Variants in CTNNA1 observed in about 807,000 individuals in gnomAD.
CTNNA1 encodes catenin alpha-1.
A neutral mutation model predicts 98.4 loss-of-function variants in CTNNA1; 37 were observed. The observed-to-expected ratio is 0.38, with a 90% CI of 0.29 to 0.49. The LOEUF (loss-of-function observed/expected upper bound fraction) is 0.49, where lower values mean the gene tolerates loss of function less well. Among genes scored for constraint, CTNNA1 ranks in the 20% least tolerant of loss-of-function variants. The pLI, the probability that CTNNA1 is intolerant of heterozygous loss-of-function variation, is 0.95. For synonymous variants in CTNNA1, 404 were observed against 413.2 expected, an observed-to-expected ratio of 0.98 and a Z score of 0.27; for missense variants, 761 against 1,147.2, an observed-to-expected ratio of 0.66 and a Z score of 4.86.
Position 138,916,177 on chromosome 5 carries a change from C to CAAAAAAAAAAAAAAA in CTNNA1, c.1390-1551_1390-1550insAAAAAAAAAAAAAAA, listed in dbSNP as rs56935188. On this transcript the variant is annotated intron_variant, in intron 10 of 17. Coordinates refer to ENST00000302763, the MANE Select transcript of CTNNA1 (RefSeq NM_001903.5). ...GAGATAGAAAGCAAATTAGTGGTTG[C>CAAAAAAAAAAAAAAA]AAAAAAAAAAAAAAGAAGGGGCTAA... 1.1e-3 allele frequency among the ~76,000 whole-genome samples: 123 copies of CAAAAAAAAAAAAAAA among 115,054 alleles called. 5 individuals carry two copies. The highest frequency in any genetic ancestry group is 4.2e-3 in the African/African-American group (117 of 27,972). 75.5% of individuals were successfully genotyped at this position (115,054 alleles called of 152,430 possible).
At chr5:138,759,422 A>G (rs1254466543) in intron 1 of CTNNA1, among the ~76,000 whole-genome samples, 2 of 152,128 alleles carry the variant, frequency 1.3e-5, no homozygotes, top group African/African-American at 2.4e-5. Flanking sequence ...CCGCACCCTC[A>G]TGATTGCTTT....
At chr5:138,928,165 C>A (rs1239382068) in intron 13 of CTNNA1, among the ~76,000 whole-genome samples, 6 of 152,240 alleles carry the variant, frequency 3.9e-5, no homozygotes. Flanking sequence ...CCTCCTGTCA[C>A]AGGCCAGCCG....
intron 9 of CTNNA1, among the ~76,000 whole-genome samples, chr5:138,887,995 C>A (rs910341385): frequency 6.6e-6 from 1 of 152,232 alleles, no homozygotes; most frequent in African/African-American, 2.4e-5. Flanking sequence ...TGCATCCTGA[C>A]AAGCTAACCT....
At chr5:138,886,179 A>G in intron 7 of CTNNA1, 33 bp from the exon 8 acceptor site, 1 of 1,601,614 alleles carries the variant, frequency 6.2e-7, no homozygotes, top group East Asian at 2.2e-5. Flanking sequence ...TTTGTAAATG[A>G]ATAAAATGCT....
intron 3 of CTNNA1, among the ~76,000 whole-genome samples, chr5:138,801,004 T>C (rs760409649): frequency 2.6e-5 from 4 of 152,210 alleles, no homozygotes; most frequent in Non-Finnish European, 5.9e-5. Context: ...TTTTGAGTGT[T>C]GTACTAAACA....
chr5:138,929,396 C>T (rs748218882), intron 14 of CTNNA1, 40 bp downstream of exon 14: 10 of 987,600 alleles, frequency 1.0e-5, no homozygotes, highest in Non-Finnish European at 1.5e-5. Flanking sequence ...CTTGTGCTGC[C>T]GACTTTCCCT....
chr5:138,927,378 G>A (rs1764301966), intron 13 of CTNNA1, among the ~76,000 whole-genome samples: 2 of 152,166 alleles, frequency 1.3e-5, no homozygotes, highest in South Asian at 4.1e-4. Flanking sequence ...GTGACATGGG[G>A]GCAGTGAGCT....
rs148992853 is a variant in CTNNA1 at position 138,896,389 on chromosome 5, T to C, written c.1297-7960T>C. Among the ~76,000 whole-genome samples the C allele has an allele frequency of 4.0e-3, 613 of 152,300 alleles. 8 individuals are homozygous for C. Among genetic ancestry groups the C allele is most frequent in the African/African-American group, 0.013 (532 of 41,560 alleles). On this transcript the variant is annotated intron_variant, in intron 9 of 17. Transcript: ENST00000302763. The stretch of plus-strand genomic sequence containing the variant: ...GGGTCCTTATTTTAATAAGAATCTT[T>C]TGTGATTTTACTTAAAAGCAAATAG...
At chr5:138,794,562 G>A (rs1410650015) in intron 3 of CTNNA1, among the ~76,000 whole-genome samples, 3 of 152,180 alleles carry the variant, frequency 2.0e-5, no homozygotes, top group African/African-American at 7.2e-5. Flanking sequence ...TAGGGCACGT[G>A]GGTTATGCCA....
rs1750884878 is a variant in CTNNA1 at position 138,873,389 on chromosome 5, T to C, written c.1063-12823T>C. The C allele has an allele frequency of 6.2e-7, 1 of 1,613,954 alleles. No individual in the cohort carries two copies. Among genetic ancestry groups the C allele is most frequent in the Non-Finnish European group, 8.5e-7 (1 of 1,179,904 alleles). ...AGTTGGGATTTCTTTGTCTCCCACA[T>C]GGTAACTTGATGAGCTTATTCTTTT... is the stretch of plus-strand genomic sequence containing the variant. On this transcript the variant is annotated intron_variant, in intron 7 of 17. Coordinates refer to ENST00000302763, the MANE Select transcript of CTNNA1 (RefSeq NM_001903.5). This position sits in a 1 kb window ranked among gnomAD's most constrained non-coding sequence, Gnocchi z 6.1.
intron 16 of CTNNA1, chr5:138,931,726 C>T: frequency 1.0e-6 from 1 of 985,472 alleles, no homozygotes; most frequent in Non-Finnish European, 1.2e-6. Context: ...ATCCAGCTGT[C>T]AATACTGTCA....
At chr5:138,800,990 A>C (rs1021039228) in intron 3 of CTNNA1, among the ~76,000 whole-genome samples, 2 of 152,190 alleles carry the variant, frequency 1.3e-5, no homozygotes, top group African/African-American at 2.4e-5. Context: ...GGTGTTTCTC[A>C]ATGTTTTGAG....
intron 7 of CTNNA1, among the ~76,000 whole-genome samples, chr5:138,865,378 A>C (rs1046601678): frequency 1.3e-5 from 2 of 152,224 alleles, no homozygotes; most frequent in Non-Finnish European, 2.9e-5. Context: ...AGCCTTTATC[A>C]AGGGTCCTGA....
chr5:138,777,988 C>CTTTT (rs777826985), intron 1 of CTNNA1, among the ~76,000 whole-genome samples: 4,790 of 14,856 alleles, frequency 0.32, 2,066 homozygotes, highest in East Asian at 0.82. Context: ...CTTAATCTGT[C>CTTTT]TTTTTTTTTT....
chr5:138,848,786 G>A (rs1250617148), intron 7 of CTNNA1, among the ~76,000 whole-genome samples: 1 of 152,060 alleles, frequency 6.6e-6, no homozygotes, highest in Non-Finnish European at 1.5e-5. Flanking sequence ...GTGCAGTGGC[G>A]TGAGCTTGGT....
chr5:138,785,384 T>C (rs907974912), intron 3 of CTNNA1, among the ~76,000 whole-genome samples: 2 of 152,130 alleles, frequency 1.3e-5, no homozygotes, highest in African/African-American at 2.4e-5. Context: ...AGTAGTTTAA[T>C]GGTCCAGTTC....
chr5:138,932,837 C>A, intron 17 of CTNNA1, 125 bp downstream of exon 17: 1 of 1,222,166 alleles, frequency 8.2e-7, no homozygotes, highest in Non-Finnish European at 1.2e-6. Context: ...AACTCCAAGT[C>A]CTGTCCCAGT....
intron 7 of CTNNA1, among the ~76,000 whole-genome samples, chr5:138,878,703 T>C (rs1752206322): frequency 6.6e-6 from 1 of 152,190 alleles, no homozygotes; most frequent in Non-Finnish European, 1.5e-5. Context: ...GAGAAGCAAA[T>C]GTACAGATAT....
chr5:138,811,559 AG>A (rs1400510282), intron 4 of CTNNA1, among the ~76,000 whole-genome samples: 1 of 151,738 alleles, frequency 6.6e-6, no homozygotes, highest in Non-Finnish European at 1.5e-5. Context: ...TGGGAGGCCA[AG>A]GCAGGTGGCT....
Sources: allele counts gnomAD v4.1 joint callset (sites outside exome capture counted in the v4.1 genomes callset), GRCh38; gene constraint gnomAD v4.1.1; non-coding constraint Gnocchi (gnomAD v3.1); transcripts MANE v1.5; gene names NCBI Gene and HGNC (gene_info 2026-07-23, HGNC 2026-07-21).